Variants in DLG5 observed in about 807,000 individuals in gnomAD.
DLG5 encodes discs large MAGUK scaffold protein 5.
In DLG5, 48 loss-of-function variants were observed where a neutral mutation model predicts 189.8. The ratio of observed to expected loss-of-function variants is 0.25; its 90% confidence interval spans 0.20 to 0.32. The LOEUF (loss-of-function observed/expected upper bound fraction) is 0.32, where lower values mean the gene tolerates loss of function less well. Among genes scored for constraint, DLG5 ranks in the 10% least tolerant of loss-of-function variants. The pLI is 1.00. For missense variants in DLG5, 2,160 were observed against 2,544.7 expected (o/e 0.85, Z 3.25); for synonymous variants, 1,016 against 1,054.1 (o/e 0.96, Z 0.70).
rs1362769837 is a variant in DLG5 at position 77,809,747 on chromosome 10, A to T, written c.4464-17T>A. On this transcript the variant is annotated splice_polypyrimidine_tract_variant and intron_variant, in intron 23 of 31. Coordinates refer to ENST00000372391, the MANE Select transcript of DLG5 (RefSeq NM_004747.4). ...CCCGCAATCCTTTCAGGAAAAAAAC[A>T]AAGTTCCTCAACTGTGCACAAAGAG... The T allele has an allele frequency of 4.4e-6, 7 of 1,607,712 alleles. No individual in the cohort carries two copies. Among genetic ancestry groups the T allele is most frequent in the African/African-American group, 2.7e-5 (2 of 74,682 alleles).
chr10:77,873,281 T>C (rs138707679), intron 1 of DLG5, among the ~76,000 whole-genome samples: 24 of 152,182 alleles, frequency 1.6e-4, no homozygotes, highest in African/African-American at 5.8e-4. Flanking sequence ...AGGGTGGGGT[T>C]TCAGAATGCA....
At chr10:77,818,331 C>T (rs191375897) in intron 17 of DLG5, among the ~76,000 whole-genome samples, 2 of 152,288 alleles carry the variant, frequency 1.3e-5, no homozygotes, top group East Asian at 1.9e-4. Flanking sequence ...GAGCAGGGAT[C>T]GCCCACATCA....
At chr10:77,910,287 T>C (rs1846181803) in intron 1 of DLG5, among the ~76,000 whole-genome samples, 1 of 152,212 alleles carries the variant, frequency 6.6e-6, no homozygotes, top group South Asian at 2.1e-4. Context: ...AGGGCTTGCC[T>C]AGCCTCTCAG....
chr10:77,809,003 G>T (rs1841617923), intron 24 of DLG5, among the ~76,000 whole-genome samples: 1 of 152,140 alleles, frequency 6.6e-6, no homozygotes, highest in Non-Finnish European at 1.5e-5. Flanking sequence ...GGAGGCTGAG[G>T]CAGGAGAATC....
chr10:77,802,607 C>T (rs935718187), intron 27 of DLG5, among the ~76,000 whole-genome samples: 3 of 152,156 alleles, frequency 2.0e-5, no homozygotes, highest in African/African-American at 4.8e-5. Flanking sequence ...AAAGTATGGC[C>T]GGGGACAGTG....
At chr10:77,855,938 G>T (rs1844207764) in intron 3 of DLG5, among the ~76,000 whole-genome samples, 2 of 152,130 alleles carry the variant, frequency 1.3e-5, no homozygotes, top group Non-Finnish European at 2.9e-5. Context: ...GACTCTCTCT[G>T]CCCCACCCTA....
chr10:77,797,570 G>C (rs1231479317), intron 27 of DLG5, among the ~76,000 whole-genome samples: 1 of 152,200 alleles, frequency 6.6e-6, no homozygotes, highest in Non-Finnish European at 1.5e-5. Flanking sequence ...GGCAGGCCCA[G>C]GAGGGAAGTG....
At chr10:77,838,838 G>A (rs1480017523) in intron 7 of DLG5, among the ~76,000 whole-genome samples, 4 of 152,214 alleles carry the variant, frequency 2.6e-5, no homozygotes, top group African/African-American at 7.2e-5. Flanking sequence ...TGCTCTTGCC[G>A]GTGGAGAGTG....
chr10:77,933,039 C>T, the DLG5 span, among the ~76,000 whole-genome samples: 4 of 152,180 alleles, frequency 2.6e-5, no homozygotes, highest in African/African-American at 9.6e-5. Context: ...AGGGCACAGT[C>T]CCCTCAAGCT....
At chr10:77,938,942 A>T in the DLG5 span, among the ~76,000 whole-genome samples, 1 of 152,168 alleles carries the variant, frequency 6.6e-6, no homozygotes. Flanking sequence ...TAATCCCAGC[A>T]CTTTGGAAGG....
chr10:77,903,285 G>A (rs1376759715), intron 1 of DLG5, among the ~76,000 whole-genome samples: 6 of 151,520 alleles, frequency 4.0e-5, no homozygotes, highest in Non-Finnish European at 7.4e-5. Flanking sequence ...AAAATTAGCC[G>A]GGCGTGGTGG....
At position 77,796,872 on chromosome 10, in the gene DLG5, G is replaced by A. The variant is rs950840435; in HGVS notation, c.5165-278C>T. Among the ~76,000 whole-genome samples the A allele has an allele frequency of 6.6e-6, 1 of 152,134 alleles. No homozygotes were observed. Among genetic ancestry groups the A allele is most frequent in the Non-Finnish European group, 1.5e-5 (1 of 68,050 alleles). ...CTCTGATTTTTCCTCGTGGGTCGAC[G>A]CCTGCTTCCCCTGCCCCATCTCCAT... is the stretch of plus-strand genomic sequence containing the variant. On this transcript the variant is annotated intron_variant, in intron 27 of 31. Transcript: ENST00000372391. This position sits in a 1 kb window ranked among gnomAD's most constrained non-coding sequence, Gnocchi z 5.2.
chr10:77,905,354 G>A (rs1412048616), intron 1 of DLG5, among the ~76,000 whole-genome samples: 2 of 152,052 alleles, frequency 1.3e-5, no homozygotes, highest in Non-Finnish European at 2.9e-5. Flanking sequence ...GGAATGGAGT[G>A]GTTGTTTTCC....
chr10:77,922,564 G>A (rs559243516), intron 1 of DLG5, among the ~76,000 whole-genome samples: 5 of 152,240 alleles, frequency 3.3e-5, no homozygotes, highest in African/African-American at 4.8e-5. Flanking sequence ...ATTGTAGTGG[G>A]AAGGCCTAAC....
rs968427953 is a variant in DLG5, at chr10:77,830,930, G to A, written c.1749-57C>T. ...CTTGGGAGGTGAAACATCCCACCGC[G>A]TAACGGCTCTGAACCTCACGAGGCA... On this transcript the variant is annotated intron_variant, in intron 9 of 31. Coordinates refer to ENST00000372391, the MANE Select transcript of DLG5 (RefSeq NM_004747.4). The A allele has an allele frequency of 7.5e-5, 119 of 1,586,518 alleles. No homozygotes were observed. The African/African-American group carries it at 1.2e-3, about 16-fold the overall frequency.
Position 77,869,253 on chromosome 10 carries a change from C to T in DLG5, c.305-56G>A. The T allele has an allele frequency of 2.6e-6, 4 of 1,531,752 alleles. No homozygotes were observed. In the South Asian group the frequency reaches 4.5e-5, roughly 17 times the overall value. 94.9% of individuals were successfully genotyped at this position (1,531,752 alleles called of 1,614,324 possible). On this transcript the variant is annotated intron_variant, in intron 1 of 31. Transcript: ENST00000372391. ...CCCCAAGGGGTCACTCGTCTTCACC[C>T]CAAGCCAGCTGATCATCAGTCAATG...
chr10:77,794,828 C>T, intron 30 of DLG5, 21 bp downstream of exon 30: 2 of 1,606,830 alleles, frequency 1.2e-6, no homozygotes, highest in Non-Finnish European at 1.7e-6. Context: ...CCCAGCGGAG[C>T]CCAGGGGGCC....
chr10:77,848,593 C>T (rs1391523601), intron 5 of DLG5, among the ~76,000 whole-genome samples: 1 of 152,026 alleles, frequency 6.6e-6, no homozygotes, highest in African/African-American at 2.4e-5. Context: ...TGTTGACCAC[C>T]AAGACGCTCC....
At chr10:77,800,183 T>TA (rs745358798) in intron 27 of DLG5, among the ~76,000 whole-genome samples, 6 of 152,118 alleles carry the variant, frequency 3.9e-5, no homozygotes, top group Non-Finnish European at 7.3e-5. Flanking sequence ...TTAGCTGGGG[T>TA]AACTTTTAAA....
Sources: allele counts gnomAD v4.1 joint callset (sites outside exome capture counted in the v4.1 genomes callset), GRCh38; gene constraint gnomAD v4.1.1; non-coding constraint Gnocchi (gnomAD v3.1); transcripts MANE v1.5; gene names NCBI Gene and HGNC (gene_info 2026-07-23, HGNC 2026-07-21).